ZNF385B: variants seen among roughly 807,000 people sequenced by gnomAD.
The protein encoded by ZNF385B is zinc finger protein 385B.
A neutral mutation model predicts 39.2 loss-of-function variants in ZNF385B; 23 were observed. The ratio of observed to expected loss-of-function variants is 0.59; its 90% confidence interval spans 0.42 to 0.83. The LOEUF is 0.83. Among genes scored for constraint, ZNF385B ranks in the 40% least tolerant of loss-of-function variants. ZNF385B has a pLI of 0.00. For synonymous variants in ZNF385B, 205 were observed against 222.6 expected, an observed-to-expected ratio of 0.92 and a Z score of 0.70; for missense variants, 552 against 598.9, an observed-to-expected ratio of 0.92 and a Z score of 0.82.
chr2:179,837,818 C>T (rs562411114), intron 1 of ZNF385B, among the ~76,000 whole-genome samples: 1 of 152,234 alleles, frequency 6.6e-6, no homozygotes, highest in Non-Finnish European at 1.5e-5. Flanking sequence ...TGTAATCTAA[C>T]ACATAGAGAA....
chr2:179,602,242 A>G (rs1574952233), intron 3 of ZNF385B, among the ~76,000 whole-genome samples: 1 of 152,186 alleles, frequency 6.6e-6, no homozygotes, highest in Non-Finnish European at 1.5e-5. Context: ...CATTAACTAA[A>G]ACACAACATG....
chr2:179,835,921 T>G (rs1162018186), intron 1 of ZNF385B, among the ~76,000 whole-genome samples: 1 of 152,186 alleles, frequency 6.6e-6, no homozygotes, highest in Non-Finnish European at 1.5e-5. Context: ...AGATACACCC[T>G]CTTCACAAAT....
intron 1 of ZNF385B, among the ~76,000 whole-genome samples, chr2:179,835,545 A>G (rs574752389): frequency 1.3e-5 from 2 of 152,290 alleles, no homozygotes; most frequent in Admixed American, 1.3e-4. Flanking sequence ...GGTCTAAGGA[A>G]TACGACGCTT....
intron 3 of ZNF385B, among the ~76,000 whole-genome samples, chr2:179,608,617 G>T (rs1689021915): frequency 6.6e-6 from 1 of 152,046 alleles, no homozygotes; most frequent in Admixed American, 6.5e-5. Flanking sequence ...CTCTTTTCTA[G>T]AACAGCGATT....
chr2:179,616,708 T>G (rs145733069), intron 3 of ZNF385B, among the ~76,000 whole-genome samples: 2,720 of 152,232 alleles, frequency 0.018, 41 homozygotes, highest in Admixed American at 0.033. Flanking sequence ...CACAGTTGCA[T>G]GCTGCCAGGC....
intron 3 of ZNF385B, among the ~76,000 whole-genome samples, chr2:179,727,044 G>A (rs1241424383): frequency 6.6e-6 from 1 of 151,986 alleles, no homozygotes; most frequent in Admixed American, 6.6e-5. Flanking sequence ...TGTGGTGCAA[G>A]TAGAGTTCCG....
chr2:179,651,505 A>G (rs1025853074), intron 3 of ZNF385B, among the ~76,000 whole-genome samples: 2 of 152,070 alleles, frequency 1.3e-5, no homozygotes, highest in Non-Finnish European at 2.9e-5. Context: ...CACACCACGC[A>G]TAATATTTTA....
intron 3 of ZNF385B, among the ~76,000 whole-genome samples, chr2:179,604,757 T>C (rs541422371): frequency 1.3e-5 from 2 of 152,256 alleles, no homozygotes; most frequent in South Asian, 2.1e-4. Flanking sequence ...TTATAAATAC[T>C]ATCCTTGTCA....
At chr2:179,509,225 G>A (rs1438299662) in intron 5 of ZNF385B, among the ~76,000 whole-genome samples, 1 of 151,990 alleles carries the variant, frequency 6.6e-6, no homozygotes, top group Non-Finnish European at 1.5e-5. Flanking sequence ...ATTTAACCTA[G>A]TCTTTTCTTT....
intron 3 of ZNF385B, among the ~76,000 whole-genome samples, chr2:179,659,396 A>C (rs1228076582): frequency 6.6e-6 from 1 of 152,202 alleles, no homozygotes; most frequent in East Asian, 1.9e-4. Flanking sequence ...TAAAACATTT[A>C]TATATTTTCC....
rs1687846056 is a variant in ZNF385B at position 179,594,682 on chromosome 2, G to A, written c.299-49713C>T. 2.0e-5 allele frequency among the ~76,000 whole-genome samples: 3 copies of A among 152,180 alleles called. No homozygotes were observed. The South Asian group carries it at 6.2e-4, about 31-fold the overall frequency. On this transcript the variant is annotated intron_variant, in intron 3 of 9. Coordinates refer to ENST00000410066, the MANE Select transcript of ZNF385B (RefSeq NM_152520.6). ...TATTTTTGAAGCCAGTTCAGATAAAGAGGAGGCTCAGTGCCAAAACATGCT... is the reference window on the plus strand; with the variant it reads ...TATTTTTGAAGCCAGTTCAGATAAAAAGGAGGCTCAGTGCCAAAACATGCT...
intron 4 of ZNF385B, among the ~76,000 whole-genome samples, chr2:179,528,472 T>C (rs1295037008): frequency 6.6e-6 from 1 of 152,234 alleles, no homozygotes; most frequent in Non-Finnish European, 1.5e-5. Context: ...TAAATACATA[T>C]GTTGTCTAAG....
intron 3 of ZNF385B, among the ~76,000 whole-genome samples, chr2:179,747,973 T>C (rs907629173): frequency 2.0e-5 from 3 of 152,166 alleles, no homozygotes; most frequent in Non-Finnish European, 2.9e-5. Context: ...AATTATAAAA[T>C]CTTCCAGTTC....
At chr2:179,458,439 C>T (rs531648786) in intron 6 of ZNF385B, among the ~76,000 whole-genome samples, 1 of 152,218 alleles carries the variant, frequency 6.6e-6, no homozygotes, top group Admixed American at 6.5e-5. Context: ...TTATAAATTG[C>T]CTTTATCAGC....
chr2:179,829,311 T>C (rs1008745149), intron 1 of ZNF385B, among the ~76,000 whole-genome samples: 1 of 152,164 alleles, frequency 6.6e-6, no homozygotes, highest in African/African-American at 2.4e-5. Context: ...CCAAGAATAA[T>C]GTAAATTCAC....
At chr2:179,819,881 T>A (rs1707299279) in intron 1 of ZNF385B, among the ~76,000 whole-genome samples, 2 of 152,216 alleles carry the variant, frequency 1.3e-5, no homozygotes, top group Non-Finnish European at 2.9e-5. Flanking sequence ...TATACTTTTT[T>A]CATATTAACA....
At chr2:179,670,675 G>A (rs181245882) in intron 3 of ZNF385B, among the ~76,000 whole-genome samples, 45 of 152,300 alleles carry the variant, frequency 3.0e-4, no homozygotes, top group African/African-American at 9.6e-4. Context: ...AAAGGCATCC[G>A]TTTAATCACG....
chr2:179,686,873 TC>T (rs1397976546), intron 3 of ZNF385B, among the ~76,000 whole-genome samples: 1 of 152,066 alleles, frequency 6.6e-6, no homozygotes, highest in Non-Finnish European at 1.5e-5. Context: ...ACAGCACAGT[TC>T]ATCTGTGGGC....
intron 3 of ZNF385B, among the ~76,000 whole-genome samples, chr2:179,750,673 G>A (rs193250508): frequency 6.6e-6 from 1 of 152,138 alleles, no homozygotes; most frequent in East Asian, 1.9e-4. Flanking sequence ...CCAATACATG[G>A]ATTGTATAAT....
Sources: allele counts gnomAD v4.1 joint callset (sites outside exome capture counted in the v4.1 genomes callset), GRCh38; gene constraint gnomAD v4.1.1; transcripts MANE v1.5; gene names NCBI Gene and HGNC (gene_info 2026-07-23, HGNC 2026-07-21).